SAR1B: variants seen among roughly 807,000 people sequenced by gnomAD.
SAR1B encodes small COPII coat GTPase SAR1B.
SAR1B carries 23 observed loss-of-function variants against 26.8 expected under a neutral mutation model. That is an observed-to-expected ratio of 0.86 (90% confidence interval 0.62 to 1.22). The LOEUF (loss-of-function observed/expected upper bound fraction) is 1.22. SAR1B is among the 50% of genes most tolerant of loss of function. The probability of loss-of-function intolerance (pLI) is 0.00; values close to 1 mark genes in which losing one functional copy is unlikely to be tolerated. For missense variants in SAR1B, 196 were observed against 232.8 expected (o/e 0.84, Z 1.03); for synonymous variants, 65 against 80.8 (o/e 0.80, Z 1.05).
At chr5:134,619,079 C>T (rs1765361329) in intron 3 of SAR1B, among the ~76,000 whole-genome samples, 1 of 151,776 alleles carries the variant, frequency 6.6e-6, no homozygotes, top group African/African-American at 2.4e-5. Flanking sequence ...CCTGTAATCC[C>T]AGCACTTTGG....
At chr5:134,610,883 C>T (rs1165659541) in intron 4 of SAR1B, among the ~76,000 whole-genome samples, 4 of 141,546 alleles carry the variant, frequency 2.8e-5, no homozygotes, top group Non-Finnish European at 4.7e-5. Context: ...TATGACATAC[C>T]TTTTTTTTTT....
rs139196971 is a variant in SAR1B, at chr5:134,621,197, C to T, written c.59-145G>A. Reference sequence around the variant, plus strand: ...TTTTAAATCTATTCATGGCCGGGCACGGTGGCTCACACCTGTAGTCCCAGC... The same window carrying T: ...TTTTAAATCTATTCATGGCCGGGCATGGTGGCTCACACCTGTAGTCCCAGC... On this transcript the variant is annotated intron_variant, in intron 2 of 6. Transcript: ENST00000402673. The T allele has an allele frequency of 9.2e-3, 8,044 of 875,256 alleles. 51 individuals are homozygous for T. Among genetic ancestry groups the T allele is most frequent in the Non-Finnish European group, 0.012 (6,564 of 569,616 alleles). 54.2% of individuals were successfully genotyped at this position (875,256 alleles called of 1,614,324 possible).
rs945265869 is a variant in SAR1B, at chr5:134,609,687, A to G, written c.245-13T>C. 1.2e-6 allele frequency: 2 copies of G among 1,607,104 alleles called. No individual in the cohort carries two copies. Among genetic ancestry groups the G allele is most frequent in the South Asian group, 1.1e-5 (1 of 90,950 alleles). ...CACACTCTTCGAGCTAACAAAAACAATCAGGGGTTAGAGTTTACTTGTTGG... is the reference window on the plus strand; with the variant it reads ...CACACTCTTCGAGCTAACAAAAACAGTCAGGGGTTAGAGTTTACTTGTTGG... On this transcript the variant is annotated splice_polypyrimidine_tract_variant and intron_variant, in intron 4 of 6. Coordinates refer to ENST00000402673, the MANE Select transcript of SAR1B (RefSeq NM_016103.4).
At position 134,604,477 on chromosome 5, in the gene SAR1B, A is replaced by C. The variant is rs548309805; in HGVS notation, c.*2473T>G. ...CTTGAAAAAGAGCAGTACCCAGTGCATATACTCTGGAGAGGTTCTCAAAGC... is the reference window on the plus strand; with the variant it reads ...CTTGAAAAAGAGCAGTACCCAGTGCCTATACTCTGGAGAGGTTCTCAAAGC... On this transcript the variant is annotated 3_prime_UTR_variant, in exon 7 of 7. Coordinates refer to ENST00000402673, the MANE Select transcript of SAR1B (RefSeq NM_016103.4). 9.2e-5 allele frequency: 14 copies of C among 152,356 alleles called. No individual in the cohort carries two copies. Among genetic ancestry groups the C allele is most frequent in the African/African-American group, 3.4e-4 (14 of 41,582 alleles). The allele number at this position is 152,356 out of a possible 1,614,324, so 9.4% of individuals were successfully genotyped here.
At position 134,608,470 on chromosome 5, in the gene SAR1B, G is replaced by T; in HGVS notation, c.382C>A (p.Pro128Thr). Reference protein sequence around the residue: ...LMTDETIANVPILILGNKIDR... With the variant: ...LMTDETIANVTILILGNKIDR... ...ATCTTATTCCCAAGAATCAGTATAG[G>T]CACATTAGCAATGGTTTCATCTGTC... The change falls in exon 6 of 7, where the codon CCT becomes ACT. Residue 128 changes from proline to threonine, a missense_variant. Coordinates refer to ENST00000402673, the MANE Select transcript of SAR1B (RefSeq NM_016103.4). 1 of 1,611,536 alleles carries T rather than the reference G, an allele frequency of 6.2e-7. No homozygotes were observed.
intron 6 of SAR1B, 34 bp from the exon 7 acceptor site, chr5:134,607,100 TATAAAATTA>T: frequency 7.4e-7 from 1 of 1,353,986 alleles, no homozygotes. Flanking sequence ...GTTGGAATTT[TATAAAATTA>T]ATAAAGCCCC....
chr5:134,630,126 G>A (rs1765574057), intron 1 of SAR1B, among the ~76,000 whole-genome samples: 1 of 151,890 alleles, frequency 6.6e-6, no homozygotes, highest in South Asian at 2.1e-4. Context: ...AGCGAGCGTA[G>A]AAATACTATG....
At chr5:134,609,746 A>G in intron 4 of SAR1B, 72 bp from the exon 5 acceptor site, 1 of 1,148,376 alleles carries the variant, frequency 8.7e-7, no homozygotes, top group Non-Finnish European at 1.3e-6. Flanking sequence ...CAAAGAGTCC[A>G]ACCAGATATC....
In SAR1B at chr5:134,618,642, A is replaced by G. The variant is rs375298017; in HGVS notation, c.178+2291T>C. On this transcript the variant is annotated intron_variant, in intron 3 of 6. Coordinates refer to ENST00000402673, the MANE Select transcript of SAR1B (RefSeq NM_016103.4). Reference sequence around the variant, plus strand: ...TGTTTCTAATAATTTACCCACTTTAACATTAACTTTATTCTCAAATTCGTT... The same window carrying G: ...TGTTTCTAATAATTTACCCACTTTAGCATTAACTTTATTCTCAAATTCGTT... Among the ~76,000 whole-genome samples the G allele has an allele frequency of 7.9e-5, 12 of 152,358 alleles. No individual in the cohort carries two copies. The East Asian group carries it at 2.1e-3, about 27-fold the overall frequency.
rs924095804 is a variant in SAR1B, at chr5:134,606,701, G to A, written c.*249C>T. On this transcript the variant is annotated 3_prime_UTR_variant, in exon 7 of 7. Coordinates refer to ENST00000402673, the MANE Select transcript of SAR1B (RefSeq NM_016103.4). ...AGTTGCTCTTTACAAATGGCGCTGG[G>A]GTGATGTCAGATTATAAACTGTAAA... 6 of 438,776 alleles carry A rather than the reference G, an allele frequency of 1.4e-5. No individual in the cohort carries two copies. The highest frequency in any genetic ancestry group is 1.2e-4 in the African/African-American group (6 of 49,880). The allele number at this position is 438,776 out of a possible 1,614,324, so 27.2% of individuals were successfully genotyped here.
intron 6 of SAR1B, among the ~76,000 whole-genome samples, chr5:134,607,914 C>CA (rs1765156044): frequency 6.6e-6 from 1 of 152,018 alleles, no homozygotes; most frequent in East Asian, 1.9e-4. Flanking sequence ...ATGTTTCCCC[C>CA]AAAATAAATC....
rs1765115390 is a variant in SAR1B, at chr5:134,605,696, AG to A, written c.*1253del. The A allele has an allele frequency of 6.6e-6, 1 of 151,788 alleles. No homozygotes were observed. Among genetic ancestry groups the A allele is most frequent in the Non-Finnish European group, 1.5e-5 (1 of 67,972 alleles). The allele number at this position is 151,788 out of a possible 1,614,324, so 9.4% of individuals were successfully genotyped here. ...AAAAAAAAAAGCCCAACAAACAAAA[AG>A]TCTTTGTTGTATGGAGTAAGAACTA... On this transcript the variant is annotated 3_prime_UTR_variant, in exon 7 of 7. Coordinates refer to ENST00000402673, the MANE Select transcript of SAR1B (RefSeq NM_016103.4).
rs1026047463 is a variant in SAR1B, at chr5:134,605,659, C to CAAAAAAAAAAAAAAAAAAAAAAAACA, written c.*1290_*1291insTGTTTTTTTTTTTTTTTTTTTTTTTT. On this transcript the variant is annotated 3_prime_UTR_variant, in exon 7 of 7. Coordinates refer to ENST00000402673, the MANE Select transcript of SAR1B (RefSeq NM_016103.4). ...GTCTCTAAAACAAAATGAAACAGAGCAAAAAAAAAAAAAAAAAAAAAGCCC... is the reference window on the plus strand; with the variant it reads ...GTCTCTAAAACAAAATGAAACAGAGCAAAAAAAAAAAAAAAAAAAAAAAACAAAAAAAAAAAAAAAAAAAAAAGCCC... The CAAAAAAAAAAAAAAAAAAAAAAAACA allele has an allele frequency of 2.9e-5, 1 of 35,020 alleles. No homozygotes were observed. The highest frequency in any genetic ancestry group is 5.9e-5 in the Non-Finnish European group (1 of 16,904). The allele number at this position is 35,020 out of a possible 1,614,324, so 2.2% of individuals were successfully genotyped here. A position where few individuals can be genotyped will look rare whatever the true frequency, so the allele number is the denominator to read the frequency against.
rs1478002049 is a variant in SAR1B at position 134,606,171 on chromosome 5, G to C, written c.*779C>G. ...CCAATCCCACAGGGACTAGGACACAGACCCCATCAGCAATGGTAGTGGCTG... is the reference window on the plus strand; with the variant it reads ...CCAATCCCACAGGGACTAGGACACACACCCCATCAGCAATGGTAGTGGCTG... On this transcript the variant is annotated 3_prime_UTR_variant, in exon 7 of 7. Coordinates refer to ENST00000402673, the MANE Select transcript of SAR1B (RefSeq NM_016103.4). The C allele has an allele frequency of 1.3e-5, 2 of 152,440 alleles. No homozygotes were observed. The highest frequency in any genetic ancestry group is 4.8e-5 in the African/African-American group (2 of 41,440). 9.4% of individuals were successfully genotyped at this position (152,440 alleles called of 1,614,324 possible).
chr5:134,621,790 G>T (rs1199269630), intron 2 of SAR1B, among the ~76,000 whole-genome samples: 3 of 152,208 alleles, frequency 2.0e-5, no homozygotes, highest in African/African-American at 7.2e-5. Flanking sequence ...AGGCTGGAGT[G>T]CTGTGGCATG....
At chr5:134,607,227 C>A (rs1765143332) in intron 6 of SAR1B, among the ~76,000 whole-genome samples, 161 bp from the exon 7 acceptor site, 1 of 152,156 alleles carries the variant, frequency 6.6e-6, no homozygotes. Flanking sequence ...CATGAACACA[C>A]AAGAAGCCTC....
In SAR1B at chr5:134,603,604, G is replaced by T. The variant is rs1356052539; in HGVS notation, c.*3346C>A. ...TCACGAGGTCAGGAGTTCGAGACCA[G>T]CCTGGCCAACATAGTGAAACCCCAT... On this transcript the variant is annotated 3_prime_UTR_variant, in exon 7 of 7. Transcript: ENST00000402673. 6.6e-6 allele frequency: 1 copy of T among 152,090 alleles called. No individual in the cohort carries two copies. The highest frequency in any genetic ancestry group is 1.5e-5 in the Non-Finnish European group (1 of 68,050). The allele number at this position is 152,090 out of a possible 1,614,324, so 9.4% of individuals were successfully genotyped here. A position where few individuals can be genotyped will look rare whatever the true frequency, so the allele number is the denominator to read the frequency against.
In SAR1B at chr5:134,632,788, T is replaced by A. The variant is rs1032958689; in HGVS notation, c.-79A>T. The A allele has an allele frequency of 1.3e-5, 2 of 152,370 alleles. No individual in the cohort carries two copies. 9.4% of individuals were successfully genotyped at this position (152,370 alleles called of 1,614,324 possible). On this transcript the variant is annotated 5_prime_UTR_variant, in exon 1 of 7. Transcript: ENST00000402673. ...TTGGCCGTACACCAGGAGACCGAAC[T>A]GCAAAGCGCGATGGCTGCCGTGGCC...
At chr5:134,619,039 A>C (rs1443339925) in intron 3 of SAR1B, among the ~76,000 whole-genome samples, 2 of 142,154 alleles carry the variant, frequency 1.4e-5, no homozygotes, top group African/African-American at 5.3e-5. Context: ...ATTAAAAAAC[A>C]TTATTTTTGG....
Sources: allele counts gnomAD v4.1 joint callset (sites outside exome capture counted in the v4.1 genomes callset), GRCh38; gene constraint gnomAD v4.1.1; transcripts MANE v1.5; gene names NCBI Gene and HGNC (gene_info 2026-07-23, HGNC 2026-07-21).